The following MTOR variants were observed in gnomAD, a reference collection of about 807,000 sequenced individuals.
MTOR encodes serine/threonine-protein kinase mTOR.
In MTOR, 70 loss-of-function variants were observed where a neutral mutation model predicts 319.8. The ratio of observed to expected loss-of-function variants is 0.22; its 90% CI spans 0.18 to 0.27. MTOR has a LOEUF of 0.27. Ranked by LOEUF, MTOR falls within the 10% of genes least tolerant of loss-of-function variation. The probability of loss-of-function intolerance (pLI) is 1.00; values close to 1 mark genes in which losing one functional copy is unlikely to be tolerated. For synonymous variants in MTOR, 1,183 were observed against 1,211.4 expected (o/e 0.98, Z 0.49); for missense variants, 1,890 against 3,274.4 (o/e 0.58, Z 10.32).
At position 11,109,679 on chromosome 1, in the gene MTOR, T is replaced by C; in HGVS notation, c.7417A>G (p.Thr2473Ala). ...GAATGAATAGATTCTGGCACTGTGG[T>C]CCCCGTTTTCTTATGGGCTGGCTCT... Reference protein sequence around the residue: ...LGEPAHKKTGTTVPESIHSFI... With the variant: ...LGEPAHKKTGATVPESIHSFI... The change falls in exon 55 of 58, where the codon ACC (threonine) becomes GCC (alanine). Residue 2473 changes from threonine (T) to alanine (A), a missense_variant. Physicochemically the swap from Thr to Ala is moderately conservative, Grantham distance 58. Transcript: ENST00000361445. The surrounding 1 kb of genome is among the most constrained non-coding windows in gnomAD (Gnocchi z 4.0). 1 of 1,614,118 alleles carries C rather than the reference T, an allele frequency of 6.2e-7. No homozygotes were observed. The highest frequency in any genetic ancestry group is 8.5e-7 in the Non-Finnish European group (1 of 1,180,008).
At chr1:11,171,210 A>G (rs1644803707) in intron 28 of MTOR, among the ~76,000 whole-genome samples, 4 of 151,404 alleles carry the variant, frequency 2.6e-5, no homozygotes, top group Admixed American at 2.6e-4. Flanking sequence ...AAAAAAAAAG[A>G]AAAAGAAAAT....
At chr1:11,181,843 C>A (rs1645154010) in intron 28 of MTOR, among the ~76,000 whole-genome samples, 1 of 152,144 alleles carries the variant, frequency 6.6e-6, no homozygotes, top group African/African-American at 2.4e-5. Context: ...GTGCTAGATG[C>A]TAGAGGTACT....
intron 28 of MTOR, among the ~76,000 whole-genome samples, chr1:11,174,279 G>A (rs1343553889): frequency 3.9e-5 from 6 of 152,154 alleles, no homozygotes; most frequent in East Asian, 1.9e-4. Flanking sequence ...TAAAATGAAC[G>A]AGTGTGAGCA....
chr1:11,206,442 C>A (rs149222686), intron 25 of MTOR, among the ~76,000 whole-genome samples: 1 of 152,146 alleles, frequency 6.6e-6, no homozygotes, highest in African/African-American at 2.4e-5. Context: ...TTACTTAACC[C>A]GTCAGTGCCT....
chr1:11,238,805 C>T (rs1376862420), intron 11 of MTOR, among the ~76,000 whole-genome samples, 188 bp from the exon 12 acceptor site: 1 of 151,804 alleles, frequency 6.6e-6, no homozygotes, highest in African/African-American at 2.4e-5. Flanking sequence ...CTCTGTCGCC[C>T]AGGCTGGAGT....
At position 11,237,833 on chromosome 1, in the gene MTOR, C is replaced by T. The variant is rs756051553; in HGVS notation, c.2208+10G>A. Reference sequence around the variant, plus strand: ...TCCCTGCCTGTGGGTCTGGCCATCACCTCGGTTACCTGGATGAGCATCTTG... The same window carrying T: ...TCCCTGCCTGTGGGTCTGGCCATCATCTCGGTTACCTGGATGAGCATCTTG... On this transcript the variant is annotated intron_variant, in intron 13 of 57. Coordinates refer to ENST00000361445, the MANE Select transcript of MTOR (RefSeq NM_004958.4). 1.1e-5 allele frequency: 18 copies of T among 1,613,726 alleles called. No individual in the cohort carries two copies. The highest frequency in any genetic ancestry group is 1.4e-5 in the Non-Finnish European group (17 of 1,180,020).
chr1:11,202,249 G>A (rs988291513), intron 26 of MTOR, among the ~76,000 whole-genome samples: 3 of 151,972 alleles, frequency 2.0e-5, no homozygotes, highest in Admixed American at 6.6e-5. Context: ...CTAACATGGT[G>A]AAATCCCATC....
chr1:11,225,527 T>C (rs947664711), intron 19 of MTOR, among the ~76,000 whole-genome samples: 3 of 151,902 alleles, frequency 2.0e-5, no homozygotes, highest in African/African-American at 7.3e-5. Flanking sequence ...ATTCAAGCGA[T>C]TCTCCCACCT....
chr1:11,150,441 A>T (rs1644100485), intron 30 of MTOR, among the ~76,000 whole-genome samples: 1 of 152,150 alleles, frequency 6.6e-6, no homozygotes, highest in Admixed American at 6.6e-5. Flanking sequence ...TTTATCAAGG[A>T]TAGGAACCAT....
chr1:11,262,354 G>C (rs942796712), intron 1 of MTOR, 91 bp downstream of exon 1: 1 of 152,410 alleles, frequency 6.6e-6, no homozygotes, highest in Non-Finnish European at 1.5e-5. Flanking sequence ...GTCCCAGACG[G>C]GCGGCTTCCC....
Position 11,152,405 on chromosome 1 carries a change from T to C in MTOR, c.4470-2179A>G, listed in dbSNP as rs1644179002. 4 of 151,588 alleles carry C rather than the reference T, an allele frequency of 2.6e-5. No individual in the cohort carries two copies. The South Asian group carries it at 8.3e-4, about 31-fold the overall frequency. 9.4% of individuals were successfully genotyped at this position (151,588 alleles called of 1,614,324 possible). A position where few individuals can be genotyped will look rare whatever the true frequency, so the allele number is the denominator to read the frequency against. The stretch of plus-strand genomic sequence containing the variant: ...TTGGAACGATACAGAGAAGATAGCA[T>C]GGTCCCTGAAGATTTAAAACAAATA... On this transcript the variant is annotated intron_variant, in intron 30 of 57. Transcript: ENST00000361445.
Position 11,109,683 on chromosome 1 carries a change from C to G in MTOR, c.7413G>C (p.Thr2471=). The G allele has an allele frequency of 1.2e-6, 2 of 1,614,048 alleles. No homozygotes were observed. The highest frequency in any genetic ancestry group is 1.7e-6 in the Non-Finnish European group (2 of 1,180,002). Reference sequence around the variant, plus strand: ...GAATAGATTCTGGCACTGTGGTCCCCGTTTTCTTATGGGCTGGCTCTCCAA... The same window carrying G: ...GAATAGATTCTGGCACTGTGGTCCCGGTTTTCTTATGGGCTGGCTCTCCAA... ...VELGEPAHKK[T]GTTVPESIHS... The change falls in exon 55 of 58, where the codon ACG becomes ACC. Residue 2471 remains threonine (T), a synonymous_variant. Transcript: ENST00000361445. This position sits in a 1 kb window ranked among gnomAD's most constrained non-coding sequence, Gnocchi z 4.0.
intron 28 of MTOR, among the ~76,000 whole-genome samples, chr1:11,187,775 A>C (rs1042629233): frequency 6.6e-6 from 1 of 152,194 alleles, no homozygotes; most frequent in African/African-American, 2.4e-5. Flanking sequence ...TATGGAGCTA[A>C]GGCTGTGGTG....
chr1:11,240,486 T>C lies in MTOR; in HGVS notation c.1603A>G (p.Ile535Val), dbSNP rs1647861509. Reference sequence around the variant, plus strand: ...AGCATTTTCAGTAGCCCATCTTGAATGTCCTTCTTTAGCTGTGGAATCTGA... The same window carrying C: ...AGCATTTTCAGTAGCCCATCTTGAACGTCCTTCTTTAGCTGTGGAATCTGA... ...SRQIPQLKKD[I>V]QDGLLKMLSL... The change falls in exon 11 of 58, where the codon ATT (isoleucine) becomes GTT (valine). Residue 535 changes from isoleucine to valine, a missense_variant. This residue lies in a region of MTOR where 418 missense variants were observed against 543.1 expected (regional missense o/e 0.77). Coordinates refer to ENST00000361445, the MANE Select transcript of MTOR (RefSeq NM_004958.4). The C allele has an allele frequency of 1.9e-6, 3 of 1,614,206 alleles. No homozygotes were observed. Among genetic ancestry groups the C allele is most frequent in the African/African-American group, 2.7e-5 (2 of 75,048 alleles).
chr1:11,214,825 C>T (rs1406048407), intron 20 of MTOR, among the ~76,000 whole-genome samples: 1 of 152,124 alleles, frequency 6.6e-6, no homozygotes, highest in African/African-American at 2.4e-5. Flanking sequence ...TGATGTTCAT[C>T]CACTTGAACC....
intron 2 of MTOR, 56 bp from the exon 3 acceptor site, chr1:11,258,649 G>A (rs1005156216): frequency 9.5e-6 from 13 of 1,364,014 alleles, no homozygotes; most frequent in African/African-American, 4.3e-5. Context: ...CTGTGGTGGT[G>A]GGAGTGGGCT....
chr1:11,215,260 C>T (rs1214482117), intron 20 of MTOR, among the ~76,000 whole-genome samples: 1 of 152,192 alleles, frequency 6.6e-6, no homozygotes, highest in East Asian at 1.9e-4. Flanking sequence ...CTAAGACTAG[C>T]CATCGGCCTC....
chr1:11,216,498 A>G (rs1646474985), intron 19 of MTOR, among the ~76,000 whole-genome samples: 2 of 152,108 alleles, frequency 1.3e-5, no homozygotes. Flanking sequence ...TACAAAAAAA[A>G]TACAAAAAAT....
At position 11,179,099 on chromosome 1, in the gene MTOR, C is replaced by A. The variant is rs866149583; in HGVS notation, c.4254-11582G>T. Reference sequence around the variant, plus strand: ...CTGTGGCACTCTATAACTGGATTACCAGGATTCACAGCCAGTGAAAAGTCC... The same window carrying A: ...CTGTGGCACTCTATAACTGGATTACAAGGATTCACAGCCAGTGAAAAGTCC... On this transcript the variant is annotated intron_variant, in intron 28 of 57. Coordinates refer to ENST00000361445, the MANE Select transcript of MTOR (RefSeq NM_004958.4). Among the ~76,000 whole-genome samples, 6 of 152,290 alleles carry A rather than the reference C, an allele frequency of 3.9e-5. 1 individual carries two copies. In the Middle Eastern group the frequency reaches 0.01, roughly 259 times the overall value.
Sources: gnomAD v4.1 joint callset for allele counts (sites outside exome capture counted in the v4.1 genomes callset) on GRCh38, gnomAD v4.1.1 for gene constraint, gnomAD v4.1.1 regional missense constraint, Gnocchi (gnomAD v3.1) non-coding constraint, MANE v1.5 for transcripts, NCBI Gene and HGNC (gene_info 2026-07-23, HGNC 2026-07-21) for gene names.